Variants in INPP4B observed in about 807,000 individuals in gnomAD.
INPP4B encodes inositol polyphosphate 4-phosphatase type II.
A neutral mutation model predicts 122.5 loss-of-function variants in INPP4B; 55 were observed. The observed-to-expected ratio is 0.45, with a 90% CI of 0.36 to 0.56. INPP4B has a LOEUF of 0.56. INPP4B is among the 20% of genes least tolerant of loss of function. INPP4B has a pLI of 0.00. For synonymous variants in INPP4B, 403 were observed against 388.7 expected, an observed-to-expected ratio of 1.04 and a Z score of -0.43; for missense variants, 1,000 against 1,097.7, an observed-to-expected ratio of 0.91 and a Z score of 1.26.
chr4:142,095,181 A>C (rs1416659456), intron 23 of INPP4B, among the ~76,000 whole-genome samples: 1 of 152,158 alleles, frequency 6.6e-6, no homozygotes, highest in Non-Finnish European at 1.5e-5. Flanking sequence ...GTTTCACTCT[A>C]TCTGACATTC....
At chr4:142,693,195 T>C (rs1420399948) in intron 2 of INPP4B, among the ~76,000 whole-genome samples, 1 of 151,996 alleles carries the variant, frequency 6.6e-6, no homozygotes, top group Admixed American at 6.6e-5. Flanking sequence ...GAAATTACTT[T>C]ATGAAAAAAA....
intron 5 of INPP4B, among the ~76,000 whole-genome samples, chr4:142,428,444 A>C (rs1042116855): frequency 6.6e-6 from 1 of 151,760 alleles, no homozygotes. Flanking sequence ...GACAGGAAAA[A>C]AAAAAAAAGA....
chr4:142,231,313 T>C (rs1461282712), intron 12 of INPP4B, among the ~76,000 whole-genome samples: 3 of 152,210 alleles, frequency 2.0e-5, no homozygotes, highest in African/African-American at 7.2e-5. Context: ...ACTTCCTCCA[T>C]TCTCAATTTT....
At chr4:142,659,940 C>A (rs908803157) in intron 2 of INPP4B, among the ~76,000 whole-genome samples, 1 of 146,538 alleles carries the variant, frequency 6.8e-6, no homozygotes, top group Non-Finnish European at 1.5e-5. Flanking sequence ...TGGTTCAAAG[C>A]CCTAGGAAGG....
intron 2 of INPP4B, among the ~76,000 whole-genome samples, chr4:142,554,249 A>T (rs1392817346): frequency 1.3e-5 from 2 of 151,040 alleles, no homozygotes; most frequent in Non-Finnish European, 2.9e-5. Context: ...TCCACTCCAG[A>T]TCCACCATCA....
At chr4:142,238,083 A>G in intron 11 of INPP4B, 72 bp from the exon 12 acceptor site, 1 of 685,316 alleles carries the variant, frequency 1.5e-6, no homozygotes, top group Non-Finnish European at 2.4e-6. Flanking sequence ...AATTAATAAA[A>G]CCATTAATCA....
At chr4:142,480,250 C>T (rs1481603312) in intron 2 of INPP4B, among the ~76,000 whole-genome samples, 2 of 152,178 alleles carry the variant, frequency 1.3e-5, no homozygotes, top group Non-Finnish European at 2.9e-5. Context: ...TTAGTAATAG[C>T]TAACCACAAA....
intron 2 of INPP4B, among the ~76,000 whole-genome samples, chr4:142,642,687 G>T (rs1750789079): frequency 6.6e-6 from 1 of 152,196 alleles, no homozygotes; most frequent in Admixed American, 6.5e-5. Context: ...AGTATAGTTT[G>T]AAGTCAGGTA....
chr4:142,090,771 A>G (rs1316941913), intron 23 of INPP4B, among the ~76,000 whole-genome samples: 1 of 152,076 alleles, frequency 6.6e-6, no homozygotes, highest in Non-Finnish European at 1.5e-5. Flanking sequence ...TGTTTATTGC[A>G]TTATTGTTTA....
At chr4:142,048,901 G>A (rs1578723798) in intron 25 of INPP4B, among the ~76,000 whole-genome samples, 1 of 151,986 alleles carries the variant, frequency 6.6e-6, no homozygotes, top group Non-Finnish European at 1.5e-5. Context: ...AATAGGACCA[G>A]GGTGGCAGAA....
At chr4:142,483,169 G>C (rs527515831) in intron 2 of INPP4B, among the ~76,000 whole-genome samples, 3 of 139,084 alleles carry the variant, frequency 2.2e-5, no homozygotes, top group East Asian at 4.4e-4. Context: ...ATAATGACTG[G>C]AGTCAGGCTA....
intron 2 of INPP4B, among the ~76,000 whole-genome samples, chr4:142,488,197 T>C (rs1821428780): frequency 6.6e-6 from 1 of 152,096 alleles, no homozygotes; most frequent in South Asian, 2.1e-4. Context: ...TGTTATACAA[T>C]ACATGATTAA....
chr4:142,260,405 T>C, intron 11 of INPP4B, 87 bp downstream of exon 11: 2 of 830,084 alleles, frequency 2.4e-6, no homozygotes, highest in Non-Finnish European at 4.1e-6. Flanking sequence ...CACAAACAAC[T>C]GTGAGAATGC....
In INPP4B at chr4:142,818,698, C is replaced by T. The variant is rs897483351; in HGVS notation, c.-254+27511G>A. Reference sequence around the variant, plus strand: ...AGCTGCCTCTATACGCTTTCAAGTGCTGTGCCTGCTGCTTACAACTCTCTT... The same window carrying T: ...AGCTGCCTCTATACGCTTTCAAGTGTTGTGCCTGCTGCTTACAACTCTCTT... On this transcript the variant is annotated intron_variant, in intron 1 of 25. Coordinates refer to ENST00000262992, the MANE Select transcript of INPP4B (RefSeq NM_001101669.3). 2.5e-4 allele frequency among the ~76,000 whole-genome samples: 38 copies of T among 152,096 alleles called. 1 individual carries two copies. Among genetic ancestry groups the T allele is most frequent in the African/African-American group, 8.9e-4 (37 of 41,430 alleles).
intron 7 of INPP4B, among the ~76,000 whole-genome samples, chr4:142,375,190 G>A (rs1462763049): frequency 6.6e-6 from 1 of 151,598 alleles, no homozygotes; most frequent in Non-Finnish European, 1.5e-5. Flanking sequence ...CAGCTCTGTG[G>A]AGCTAGTCAA....
intron 7 of INPP4B, among the ~76,000 whole-genome samples, chr4:142,328,661 T>A (rs1773345170): frequency 6.6e-6 from 1 of 152,188 alleles, no homozygotes; most frequent in Non-Finnish European, 1.5e-5. Flanking sequence ...AAAACAAAAT[T>A]TTCAAAAGCA....
chr4:142,060,857 A>G (rs1760263527), intron 25 of INPP4B, among the ~76,000 whole-genome samples: 1 of 152,222 alleles, frequency 6.6e-6, no homozygotes, highest in South Asian at 2.1e-4. Flanking sequence ...AAGGGAAAAC[A>G]GGCAGACATT....
intron 2 of INPP4B, among the ~76,000 whole-genome samples, chr4:142,668,470 T>C (rs1459184093): frequency 6.6e-6 from 1 of 152,168 alleles, no homozygotes; most frequent in Non-Finnish European, 1.5e-5. Flanking sequence ...TTTACTTCTA[T>C]TTAACCTAGT....
At chr4:142,169,754 C>T (rs184858703) in intron 16 of INPP4B, among the ~76,000 whole-genome samples, 2 of 151,558 alleles carry the variant, frequency 1.3e-5, no homozygotes, top group Admixed American at 1.3e-4. Context: ...TATAAAACAC[C>T]CCATTCTTTT....
Sources: allele counts gnomAD v4.1 joint callset (sites outside exome capture counted in the v4.1 genomes callset), GRCh38; gene constraint gnomAD v4.1.1; transcripts MANE v1.5; gene names NCBI Gene and HGNC (gene_info 2026-07-23, HGNC 2026-07-21).